CD9: variants seen among roughly 807,000 people sequenced by gnomAD.
CD9 encodes CD9 molecule, also known as CD9 antigen.
In CD9, 10 loss-of-function variants were observed where a neutral mutation model predicts 31.4. The ratio of observed to expected loss-of-function variants is 0.32; its 90% CI spans 0.20 to 0.54. The LOEUF is 0.54. CD9 is among the 20% of genes least tolerant of loss of function. The pLI, the probability that CD9 is intolerant of heterozygous loss-of-function variation, is 0.94. For missense variants in CD9, 259 were observed against 300.1 expected, an observed-to-expected ratio of 0.86 and a Z score of 1.01; for synonymous variants, 113 against 114.1, an observed-to-expected ratio of 0.99 and a Z score of 0.06.
rs1168602111 is a variant in CD9, at chr12:6,200,516, G to C, written c.17G>C (p.Gly6Ala). 2.5e-6 allele frequency: 4 copies of C among 1,610,904 alleles called. No individual in the cohort carries two copies. Among genetic ancestry groups the C allele is most frequent in the Non-Finnish European group, 3.4e-6 (4 of 1,177,938 alleles). ...GCCCTCACCATGCCGGTCAAAGGAG[G>C]CACCAAGTGCATCAAATACCTGCTG... MPVKGGTKCIKYLLFG... is the reference protein window; with the variant it reads MPVKGATKCIKYLLFG... Residue 6 changes from glycine (G) to alanine (A), a missense_variant, in exon 1 of 8, where the codon GGC becomes GCC. Gly to Ala is a moderately conservative substitution (Grantham distance 60). Transcript: ENST00000009180.
At position 6,232,804 on chromosome 12, in the gene CD9, C is replaced by A; in HGVS notation, c.273+75C>A. ...AAACCTCAGCAGGCCCAGACCCAGA[C>A]CACAGAACAGATGGAGGGGGATGGG... is the stretch of plus-strand genomic sequence containing the variant. On this transcript the variant is annotated intron_variant, in intron 3 of 7. Coordinates refer to ENST00000009180, the MANE Select transcript of CD9 (RefSeq NM_001769.4). The surrounding 1 kb of genome is among the most constrained non-coding windows in gnomAD (Gnocchi z 4.8). 1.0e-6 allele frequency: 1 copy of A among 966,806 alleles called. No individual in the cohort carries two copies. The highest frequency in any genetic ancestry group is 1.6e-6 in the Non-Finnish European group (1 of 627,744). 59.9% of individuals were successfully genotyped at this position (966,806 alleles called of 1,614,324 possible). A position where few individuals can be genotyped will look rare whatever the true frequency, so the allele number is the denominator to read the frequency against.
At chr12:6,235,206 CCT>C (rs772704408) in intron 4 of CD9, 21 bp from the exon 5 acceptor site, 120 of 1,512,406 alleles carry the variant, frequency 7.9e-5, no homozygotes, top group Non-Finnish European at 1.0e-4. Context: ...CGTCTCTGCC[CCT>C]CTCTCGTCTG....
intron 1 of CD9, among the ~76,000 whole-genome samples, chr12:6,222,380 TC>T (rs1289074770): frequency 6.6e-6 from 1 of 152,206 alleles, no homozygotes; most frequent in Non-Finnish European, 1.5e-5. Flanking sequence ...TGAACCTTTC[TC>T]CTCTCTTATT....
intron 1 of CD9, among the ~76,000 whole-genome samples, chr12:6,214,174 T>C (rs1353916518): frequency 1.3e-5 from 2 of 152,078 alleles, no homozygotes; most frequent in Admixed American, 6.5e-5. Context: ...TGAGCCTGAT[T>C]CATCCATAAA....
At chr12:6,209,876 G>C (rs570706163) in intron 1 of CD9, among the ~76,000 whole-genome samples, 1 of 152,054 alleles carries the variant, frequency 6.6e-6, no homozygotes, top group South Asian at 2.1e-4. Flanking sequence ...GTAGAGATGG[G>C]GTTTTGCCAC....
intron 1 of CD9, among the ~76,000 whole-genome samples, chr12:6,210,835 C>CTT (rs143561091): frequency 1.6e-4 from 21 of 130,880 alleles, no homozygotes; most frequent in African/African-American, 2.0e-4. Flanking sequence ...AGTTGAGCAA[C>CTT]TTTTTTTTTT....
chr12:6,208,428 A>G (rs1054722874), intron 1 of CD9, among the ~76,000 whole-genome samples: 2 of 152,196 alleles, frequency 1.3e-5, no homozygotes, highest in Non-Finnish European at 2.9e-5. Flanking sequence ...AAGTTCAGAA[A>G]CAACACAATA....
At chr12:6,207,165 A>C (rs74917586) in intron 1 of CD9, among the ~76,000 whole-genome samples, 3,014 of 152,218 alleles carry the variant, frequency 0.02, 109 homozygotes, top group African/African-American at 0.068. Flanking sequence ...CATAAATGTG[A>C]GCCACCACGC....
intron 1 of CD9, among the ~76,000 whole-genome samples, chr12:6,208,623 G>A (rs1946158633): frequency 6.6e-6 from 1 of 151,916 alleles, no homozygotes; most frequent in Admixed American, 6.6e-5. Context: ...CCAGGCTGGA[G>A]TGTAATGGTG....
intron 2 of CD9, among the ~76,000 whole-genome samples, chr12:6,227,069 C>G (rs1946377240): frequency 1.3e-5 from 2 of 152,186 alleles, no homozygotes; most frequent in Admixed American, 6.5e-5. Context: ...CTTCTAACAA[C>G]CCACTTTTTC....
chr12:6,233,553 C>A, intron 4 of CD9, 67 bp downstream of exon 4: 1 of 1,201,054 alleles, frequency 8.3e-7, no homozygotes, highest in Non-Finnish European at 1.2e-6. Context: ...AAGCAGGGGG[C>A]AAGTCCTGGC....
intron 1 of CD9, among the ~76,000 whole-genome samples, chr12:6,216,969 A>G (rs189647205): frequency 6.6e-6 from 1 of 152,196 alleles, no homozygotes; most frequent in Non-Finnish European, 1.5e-5. Flanking sequence ...TACATGCATC[A>G]CTTTATTTAA....
In CD9 at chr12:6,203,047, A is replaced by G. The variant is rs185786877; in HGVS notation, c.66+2482A>G. Among the ~76,000 whole-genome samples, 284 of 152,322 alleles carry G rather than the reference A, an allele frequency of 1.9e-3. 1 individual carries two copies. Among genetic ancestry groups the G allele is most frequent in the African/African-American group, 5.6e-3 (231 of 41,564 alleles). On this transcript the variant is annotated intron_variant, in intron 1 of 7. Coordinates refer to ENST00000009180, the MANE Select transcript of CD9 (RefSeq NM_001769.4). Reference sequence around the variant, plus strand: ...CTAGGAGATGATGTAATGAAAAGGAAGACTGTGGTCGGTCCACTTGTGCAG... The same window carrying G: ...CTAGGAGATGATGTAATGAAAAGGAGGACTGTGGTCGGTCCACTTGTGCAG...
chr12:6,233,673 G>A (rs1221905661), intron 4 of CD9, among the ~76,000 whole-genome samples, 187 bp downstream of exon 4: 1 of 152,092 alleles, frequency 6.6e-6, no homozygotes, highest in Non-Finnish European at 1.5e-5. Flanking sequence ...TGCGCTTACT[G>A]TCCTGTCCGA....
chr12:6,230,504 G>A (rs917199390), intron 2 of CD9, among the ~76,000 whole-genome samples: 5 of 152,192 alleles, frequency 3.3e-5, no homozygotes, highest in South Asian at 2.1e-4. Context: ...CCCACTCCAC[G>A]GTATTTCATG....
intron 1 of CD9, 174 bp downstream of exon 1, chr12:6,200,739 C>T (rs1591959264): frequency 2.1e-6 from 1 of 481,982 alleles, no homozygotes. Context: ...GGTCCAGAGC[C>T]GGGCGGGACG....
intron 6 of CD9, 37 bp downstream of exon 6, chr12:6,235,602 A>G (rs764481051): frequency 2.5e-6 from 4 of 1,579,450 alleles, no homozygotes; most frequent in East Asian, 2.3e-5. Context: ...CCCTGCCCCC[A>G]TTGCTCTGGA....
At chr12:6,230,178 C>A (rs1231936471) in intron 2 of CD9, among the ~76,000 whole-genome samples, 1 of 152,194 alleles carries the variant, frequency 6.6e-6, no homozygotes, top group Non-Finnish European at 1.5e-5. Context: ...TCCCCGAACA[C>A]AGCTGCCAGG....
Position 6,222,454 on chromosome 12 carries a change from C to T in CD9, c.67-2972C>T, listed in dbSNP as rs577243452. ...GCTTTTCCCATTTCTCCAGAGCCAG[C>T]TGCTTTTCCTTCCTGGTTGTAGTGA... On this transcript the variant is annotated intron_variant, in intron 1 of 7. Transcript: ENST00000009180. Among the ~76,000 whole-genome samples, 3 of 152,340 alleles carry T rather than the reference C, an allele frequency of 2.0e-5. No homozygotes were observed. The East Asian group carries it at 5.8e-4, about 29-fold the overall frequency.
Sources: allele counts gnomAD v4.1 joint callset (sites outside exome capture counted in the v4.1 genomes callset), GRCh38; gene constraint gnomAD v4.1.1; non-coding constraint Gnocchi (gnomAD v3.1); transcripts MANE v1.5; gene names NCBI Gene and HGNC (gene_info 2026-07-23, HGNC 2026-07-21).